The following TNIK variants were observed in gnomAD, a reference collection of about 807,000 sequenced individuals.
TNIK encodes TRAF2 and NCK-interacting protein kinase.
In TNIK, 49 loss-of-function variants were observed where a neutral mutation model predicts 191.3. The observed-to-expected ratio is 0.26, with a 90% CI of 0.20 to 0.32. The LOEUF (loss-of-function observed/expected upper bound fraction) is 0.32, where lower values mean the gene tolerates loss of function less well. TNIK is among the 10% of genes least tolerant of loss of function. TNIK has a pLI of 1.00. For missense variants in TNIK, 1,155 were observed against 1,702.3 expected, an observed-to-expected ratio of 0.68 and a Z score of 5.66; for synonymous variants, 594 against 600.9, an observed-to-expected ratio of 0.99 and a Z score of 0.17.
chr3:171,107,268 C>A lies in TNIK; in HGVS notation c.2383-62G>T, dbSNP rs977732650. The stretch of plus-strand genomic sequence containing the variant: ...GAAGGAGGAAAAGCCAGCAGAAAGG[C>A]AGCAGATTAGACACAAAATTGTAAT... On this transcript the variant is annotated intron_variant, in intron 20 of 32. Coordinates refer to ENST00000436636, the MANE Select transcript of TNIK (RefSeq NM_015028.4). 2.8e-5 allele frequency: 43 copies of A among 1,535,726 alleles called. No homozygotes were observed. The South Asian group carries it at 4.9e-4, about 18-fold the overall frequency.
chr3:171,308,121 A>C (rs531823573), intron 2 of TNIK, among the ~76,000 whole-genome samples: 1 of 152,320 alleles, frequency 6.6e-6, no homozygotes, highest in African/African-American at 2.4e-5. Context: ...TAGTGAAAAC[A>C]ATCCTAGGAA....
intron 2 of TNIK, among the ~76,000 whole-genome samples, chr3:171,279,153 G>A (rs1166543638): frequency 2.6e-5 from 4 of 151,680 alleles, no homozygotes; most frequent in Non-Finnish European, 5.9e-5. Flanking sequence ...AAACCTAAAG[G>A]TAAACAAATT....
At chr3:171,207,468 G>T (rs1740241514) in intron 4 of TNIK, among the ~76,000 whole-genome samples, 1 of 151,924 alleles carries the variant, frequency 6.6e-6, no homozygotes, top group African/African-American at 2.4e-5. Context: ...CAAAAGTACT[G>T]GGATAATAGA....
chr3:171,357,480 G>T (rs1165195446), intron 2 of TNIK, among the ~76,000 whole-genome samples: 1 of 151,440 alleles, frequency 6.6e-6, no homozygotes, highest in South Asian at 2.1e-4. Context: ...GCAGAGACGG[G>T]GTTTTGCCAT....
chr3:171,384,189 A>G (rs1718432444), intron 1 of TNIK, among the ~76,000 whole-genome samples: 1 of 152,240 alleles, frequency 6.6e-6, no homozygotes, highest in African/African-American at 2.4e-5. Context: ...CCATTAGAGT[A>G]AATTCCACAT....
rs190291356 is a variant in TNIK at position 171,076,889 on chromosome 3, A to G, written c.3448+2629T>C. 1.8e-3 allele frequency among the ~76,000 whole-genome samples: 275 copies of G among 149,526 alleles called. 1 individual carries two copies. The highest frequency in any genetic ancestry group is 4.8e-3 in the Admixed American group (72 of 14,978). ...TAGTATGGAAAGGATTTAATTTCTC[A>G]CATCATTTCCTTCTCTCTCTAGCTT... is the stretch of plus-strand genomic sequence containing the variant. On this transcript the variant is annotated intron_variant, in intron 28 of 32. Transcript: ENST00000436636.
chr3:171,120,510 G>A (rs1057179908), intron 18 of TNIK, among the ~76,000 whole-genome samples: 5 of 151,926 alleles, frequency 3.3e-5, no homozygotes, highest in African/African-American at 9.7e-5. Flanking sequence ...TAGTAGAGAC[G>A]GGGTTTCACC....
chr3:171,275,776 A>T (rs1749660008), intron 2 of TNIK, among the ~76,000 whole-genome samples: 1 of 152,056 alleles, frequency 6.6e-6, no homozygotes, highest in Non-Finnish European at 1.5e-5. Flanking sequence ...GGGTGCCTGT[A>T]GTCCCAGCTA....
At chr3:171,081,225 T>G (rs1053567957) in intron 27 of TNIK, among the ~76,000 whole-genome samples, 2 of 151,744 alleles carry the variant, frequency 1.3e-5, no homozygotes, top group Non-Finnish European at 2.9e-5. Context: ...TTGGGGAGAA[T>G]AAAAAGAGAT....
intron 1 of TNIK, among the ~76,000 whole-genome samples, chr3:171,395,937 T>G (rs1720178149): frequency 1.3e-5 from 2 of 152,320 alleles, no homozygotes; most frequent in South Asian, 4.1e-4. Context: ...AAAACAGGTT[T>G]ATTAAGATAT....
At chr3:171,102,373 G>A (rs1723716101) in intron 21 of TNIK, among the ~76,000 whole-genome samples, 1 of 152,152 alleles carries the variant, frequency 6.6e-6, no homozygotes, top group Non-Finnish European at 1.5e-5. Context: ...ATACCAAAAG[G>A]AAGAGATAAT....
chr3:171,429,819 A>G (rs886573888), intron 1 of TNIK, among the ~76,000 whole-genome samples: 1 of 152,124 alleles, frequency 6.6e-6, no homozygotes, highest in Non-Finnish European at 1.5e-5. Flanking sequence ...ACCTCGCCCC[A>G]GAAGCCTTTC....
Position 171,159,018 on chromosome 3 carries a change from T to G in TNIK, c.1017-1354A>C, listed in dbSNP as rs1490762906. 6.6e-6 allele frequency among the ~76,000 whole-genome samples: 1 copy of G among 151,956 alleles called. No individual in the cohort carries two copies. The highest frequency in any genetic ancestry group is 6.6e-5 in the Admixed American group (1 of 15,264). ...AGGGTATGAGAGGAGGTCAGAGAGA[T>G]AGGTGCGGGGCCGCGACAGCCATGC... On this transcript the variant is annotated intron_variant, in intron 11 of 32. Transcript: ENST00000436636. The surrounding 1 kb of genome is among the most constrained non-coding windows in gnomAD (Gnocchi z 4.1).
chr3:171,361,187 TC>T (rs1714919583), intron 2 of TNIK, among the ~76,000 whole-genome samples: 1 of 152,034 alleles, frequency 6.6e-6, no homozygotes, highest in Admixed American at 6.5e-5. Flanking sequence ...AATAAAACCT[TC>T]CCCAGCCCAA....
chr3:171,244,320 C>T (rs902805546), intron 2 of TNIK, among the ~76,000 whole-genome samples: 1 of 152,050 alleles, frequency 6.6e-6, no homozygotes, highest in South Asian at 2.1e-4. Flanking sequence ...CCACCTCGGC[C>T]TCCCAAAGTG....
chr3:171,369,679 CG>C lies in TNIK; in HGVS notation c.63del (p.Ala22GlnfsTer52). On this transcript the variant is annotated frameshift_variant, in exon 2 of 33. Transcript: ENST00000436636. LOFTEE classifies it high-confidence loss of function. ...AGTTCCACCAATTCAAAGATCCCTG[CG>C]GGGTCCTGAAAGAAAATAAACAAAC... ...DEIDLSALRD[P>X]AGIFELVELV... 6.4e-7 allele frequency: 1 copy of C among 1,567,752 alleles called. No individual in the cohort carries two copies. Among genetic ancestry groups the C allele is most frequent in the South Asian group, 1.2e-5 (1 of 85,044 alleles).
intron 2 of TNIK, among the ~76,000 whole-genome samples, chr3:171,274,303 C>G (rs1749459150): frequency 6.6e-6 from 1 of 152,166 alleles, no homozygotes; most frequent in Admixed American, 6.5e-5. Flanking sequence ...TGAAGCTACT[C>G]CAACTTATCA....
chr3:171,085,972 A>G (rs1296055267), intron 24 of TNIK, among the ~76,000 whole-genome samples: 1 of 152,118 alleles, frequency 6.6e-6, no homozygotes, highest in Non-Finnish European at 1.5e-5. Context: ...GGAACAGTAA[A>G]CTCAATATCA....
chr3:171,385,518 C>A (rs1718607371), intron 1 of TNIK, among the ~76,000 whole-genome samples: 1 of 152,004 alleles, frequency 6.6e-6, no homozygotes, highest in South Asian at 2.1e-4. Context: ...ACAAGTCAGA[C>A]AAGCAGAACA....
Sources: gnomAD v4.1 joint callset for allele counts (sites outside exome capture counted in the v4.1 genomes callset) on GRCh38, gnomAD v4.1.1 for gene constraint, Gnocchi (gnomAD v3.1) non-coding constraint, MANE v1.5 for transcripts, NCBI Gene and HGNC (gene_info 2026-07-23, HGNC 2026-07-21) for gene names.